The following SNX2 variants were observed in gnomAD, a reference collection of about 807,000 sequenced individuals.
The protein encoded by SNX2 is sorting nexin 2.
In SNX2, 25 loss-of-function variants were observed where a neutral mutation model predicts 69.9. The observed-to-expected ratio is 0.36, with a 90% CI of 0.26 to 0.50. SNX2 has a LOEUF of 0.50. Among genes scored for constraint, SNX2 ranks in the 20% least tolerant of loss-of-function variants. The pLI, the probability that SNX2 is intolerant of heterozygous loss-of-function variation, is 0.97. For synonymous variants in SNX2, 229 were observed against 200.4 expected, an observed-to-expected ratio of 1.14 and a Z score of -1.20; for missense variants, 551 against 613.3, an observed-to-expected ratio of 0.90 and a Z score of 1.07.
At chr5:122,777,977 AT>A (rs1646346706) in intron 1 of SNX2, among the ~76,000 whole-genome samples, 1 of 152,326 alleles carries the variant, frequency 6.6e-6, no homozygotes, top group African/African-American at 2.4e-5. Flanking sequence ...ATTTTTGACT[AT>A]TGGCCTCTTC....
intron 6 of SNX2, among the ~76,000 whole-genome samples, chr5:122,805,303 A>T (rs1253926105): frequency 6.6e-6 from 1 of 151,762 alleles, no homozygotes; most frequent in Non-Finnish European, 1.5e-5. Flanking sequence ...AAAAAAAAAA[A>T]AAAAGAATTT....
Position 122,817,280 on chromosome 5 carries a change from T to G in SNX2, c.913T>G (p.Trp305Gly). ...GCTCCATTTTTCATTTTTTTCTTAG[T>G]GGTTTGAAGAAAAGCAGCAGCAATT... ...MTIKMNESDAWFEEKQQQFEN... is the reference protein window; with the variant it reads ...MTIKMNESDAGFEEKQQQFEN... The change falls in exon 10 of 15, where the codon TGG becomes GGG. Residue 305 changes from tryptophan (W) to glycine (G), a missense_variant and splice_region_variant. By Grantham distance (184) the Trp-to-Gly change is radical. Around this residue, in one of 2 missense-constraint regions of SNX2, gnomAD observed 360 missense variants for 450.4 expected, o/e 0.80. Transcript: ENST00000379516. 6.2e-7 allele frequency: 1 copy of G among 1,613,018 alleles called. No individual in the cohort carries two copies. Among genetic ancestry groups the G allele is most frequent in the Non-Finnish European group, 8.5e-7 (1 of 1,179,170 alleles).
chr5:122,790,808 A>G (rs1232101231), intron 1 of SNX2, among the ~76,000 whole-genome samples: 1 of 152,200 alleles, frequency 6.6e-6, no homozygotes, highest in Non-Finnish European at 1.5e-5. Flanking sequence ...TCACCTACCA[A>G]GAAAAGCAGT....
At position 122,832,673 on chromosome 5, in the gene SNX2, A is replaced by AAT. The variant is rs1197551959; in HGVS notation, c.*3026_*3027dup. 1 of 152,216 alleles carries AAT rather than the reference A, an allele frequency of 6.6e-6. No homozygotes were observed. Among genetic ancestry groups the AAT allele is most frequent in the East Asian group, 1.9e-4 (1 of 5,202 alleles). The allele number at this position is 152,216 out of a possible 1,614,324, so 9.4% of individuals were successfully genotyped here. ...AACTATGACATAAGCCTTTTAACAT[A>AAT]ATCAGCTTTCTTTAAAGGAGGAAGT... On this transcript the variant is annotated 3_prime_UTR_variant, in exon 15 of 15. Transcript: ENST00000379516.
chr5:122,787,950 AT>A (rs1241377341), intron 1 of SNX2, among the ~76,000 whole-genome samples: 2 of 152,226 alleles, frequency 1.3e-5, no homozygotes, highest in African/African-American at 4.8e-5. Context: ...AGAGGAAAAA[AT>A]AATCTGTTTT....
intron 1 of SNX2, among the ~76,000 whole-genome samples, chr5:122,778,291 C>T (rs945553320): frequency 2.4e-4 from 36 of 152,270 alleles, no homozygotes; most frequent in Admixed American, 5.2e-4. Context: ...CATGGGGGCA[C>T]AGATATCGCC....
chr5:122,799,096 T>A (rs1033326361), intron 2 of SNX2, among the ~76,000 whole-genome samples: 11 of 152,156 alleles, frequency 7.2e-5, no homozygotes, highest in Non-Finnish European at 1.3e-4. Context: ...TTTGATTTTT[T>A]AAAATTATTA....
intron 7 of SNX2, among the ~76,000 whole-genome samples, chr5:122,809,366 T>A (rs1753720412): frequency 6.6e-6 from 1 of 152,174 alleles, no homozygotes; most frequent in Non-Finnish European, 1.5e-5. Flanking sequence ...TCTGTTTTCC[T>A]TTAGAGTACT....
intron 12 of SNX2, 45 bp downstream of exon 12, chr5:122,826,238 G>T: frequency 6.4e-7 from 1 of 1,550,958 alleles, no homozygotes; most frequent in Non-Finnish European, 8.8e-7. Flanking sequence ...TTTTGCATGA[G>T]TCATTCATAT....
In SNX2 at chr5:122,830,028, T is replaced by C. The variant is rs1754251298; in HGVS notation, c.*380T>C. ...CTTTATGAAGTGAATTACCAATGCTTTGAATAATGTTCACTTATACATTCC... is the reference window on the plus strand; with the variant it reads ...CTTTATGAAGTGAATTACCAATGCTCTGAATAATGTTCACTTATACATTCC... On this transcript the variant is annotated 3_prime_UTR_variant, in exon 15 of 15. Coordinates refer to ENST00000379516, the MANE Select transcript of SNX2 (RefSeq NM_003100.4). 1 of 168,546 alleles carries C rather than the reference T, an allele frequency of 5.9e-6. No homozygotes were observed. The highest frequency in any genetic ancestry group is 2.4e-5 in the African/African-American group (1 of 42,152). 10.4% of individuals were successfully genotyped at this position (168,546 alleles called of 1,614,324 possible).
chr5:122,779,177 C>A (rs1411310921), intron 1 of SNX2, among the ~76,000 whole-genome samples: 9 of 152,056 alleles, frequency 5.9e-5, no homozygotes, highest in Admixed American at 3.9e-4. Context: ...ATTTATATAT[C>A]ATATAATTTA....
At chr5:122,790,937 C>G (rs1325069883) in intron 1 of SNX2, among the ~76,000 whole-genome samples, 1 of 152,100 alleles carries the variant, frequency 6.6e-6, no homozygotes, top group Non-Finnish European at 1.5e-5. Flanking sequence ...TTGTCTTGTT[C>G]CTGATCTTAC....
intron 11 of SNX2, among the ~76,000 whole-genome samples, chr5:122,821,476 G>C (rs1313140144): frequency 6.9e-6 from 1 of 145,832 alleles, no homozygotes; most frequent in Non-Finnish European, 1.5e-5. Flanking sequence ...TTTTTTCGCA[G>C]ACGGAGACTC....
rs559754137 is a variant in SNX2 at position 122,782,760 on chromosome 5, C to T, written c.108+7549C>T. ...CCATGTTAGCCAGGCTGGTCTTGAA[C>T]TCCTGACCTGAAGTGATCTGCCTGC... On this transcript the variant is annotated intron_variant, in intron 1 of 14. Coordinates refer to ENST00000379516, the MANE Select transcript of SNX2 (RefSeq NM_003100.4). Among the ~76,000 whole-genome samples, 8 of 152,120 alleles carry T rather than the reference C, an allele frequency of 5.3e-5. No individual in the cohort carries two copies. The East Asian group carries it at 1.6e-3, about 30-fold the overall frequency.
chr5:122,827,795 T>G (rs973329642), intron 14 of SNX2, 149 bp downstream of exon 14: 5 of 607,162 alleles, frequency 8.2e-6, no homozygotes, highest in Non-Finnish European at 1.4e-5. Flanking sequence ...GATAAAAGGG[T>G]AAACTAATCG....
intron 7 of SNX2, among the ~76,000 whole-genome samples, chr5:122,814,050 C>T (rs1433936422): frequency 6.6e-6 from 1 of 152,132 alleles, no homozygotes; most frequent in East Asian, 1.9e-4. Flanking sequence ...GCATGAGCCA[C>T]CTCACCCTGC....
Position 122,806,142 on chromosome 5 carries a change from G to GCACGCACACACACACACACACACACA in SNX2, c.644-2132_644-2131insGCACACACACACACACACACACACAC, listed in dbSNP as rs1554063175. ...TGTGTATATATATACACACGCGCGC[G>GCACGCACACACACACACACACACACA]CACACACACACACACACACACACAC... On this transcript the variant is annotated intron_variant, in intron 6 of 14. Coordinates refer to ENST00000379516, the MANE Select transcript of SNX2 (RefSeq NM_003100.4). 1.8e-3 allele frequency among the ~76,000 whole-genome samples: 234 copies of GCACGCACACACACACACACACACACA among 130,644 alleles called. 7 individuals are homozygous for GCACGCACACACACACACACACACACA. Among genetic ancestry groups the GCACGCACACACACACACACACACACA allele is most frequent in the Admixed American group, 0.011 (140 of 13,120 alleles). The allele number at this position is 130,644 out of a possible 152,430, so 85.7% of individuals were successfully genotyped here. A position where few individuals can be genotyped will look rare whatever the true frequency, so the allele number is the denominator to read the frequency against.
At chr5:122,827,343 TGAGATAAG>T (rs1581649537) in intron 12 of SNX2, 28 bp from the exon 13 acceptor site, 2 of 1,562,468 alleles carry the variant, frequency 1.3e-6, no homozygotes, top group Admixed American at 1.7e-5. Flanking sequence ...TACTTTTTTT[TGAGATAAG>T]CATAAAATAT....
At chr5:122,788,581 G>C (rs1323242091) in intron 1 of SNX2, among the ~76,000 whole-genome samples, 1 of 152,036 alleles carries the variant, frequency 6.6e-6, no homozygotes, top group Non-Finnish European at 1.5e-5. Context: ...TTGTTATTCA[G>C]ATCAGATATT....
Sources: gnomAD v4.1 joint callset for allele counts (sites outside exome capture counted in the v4.1 genomes callset) on GRCh38, gnomAD v4.1.1 for gene constraint, gnomAD v4.1.1 regional missense constraint, MANE v1.5 for transcripts, NCBI Gene and HGNC (gene_info 2026-07-23, HGNC 2026-07-21) for gene names.